VPS13B: variants seen among roughly 807,000 people sequenced by gnomAD.
The protein encoded by VPS13B is intermembrane lipid transfer protein VPS13B.
Under a neutral mutation model 426.4 loss-of-function variants are expected in VPS13B, and 285 were observed. That is an observed-to-expected ratio of 0.67 (90% CI 0.61 to 0.74). The LOEUF (loss-of-function observed/expected upper bound fraction) is 0.74, where lower values mean the gene tolerates loss of function less well. VPS13B is among the 30% of genes least tolerant of loss of function. The pLI is 0.00. For missense variants in VPS13B, 4,537 were observed against 4,782.6 expected (o/e 0.95, Z 1.51); for synonymous variants, 1,676 against 1,676.4 (o/e 1.00, Z 0.01).
intron 33 of VPS13B, among the ~76,000 whole-genome samples, chr8:99,610,699 C>T (rs746856876): frequency 5.3e-5 from 8 of 152,024 alleles, no homozygotes; most frequent in Non-Finnish European, 8.8e-5. Flanking sequence ...AACAAACCTG[C>T]ACGTTCTGCA....
intron 23 of VPS13B, among the ~76,000 whole-genome samples, chr8:99,455,468 G>C (rs990677641): frequency 7.9e-5 from 12 of 152,104 alleles, no homozygotes; most frequent in African/African-American, 2.9e-4. Flanking sequence ...AGAGAGGGAG[G>C]GTTGGGGAGG....
intron 33 of VPS13B, among the ~76,000 whole-genome samples, chr8:99,588,426 A>G (rs1419930418): frequency 6.6e-6 from 1 of 151,712 alleles, no homozygotes. Context: ...CCATTTTCAC[A>G]ATATTGATTC....
chr8:99,042,895 A>G (rs911682861), intron 3 of VPS13B, among the ~76,000 whole-genome samples: 1 of 152,204 alleles, frequency 6.6e-6, no homozygotes, highest in African/African-American at 2.4e-5. Context: ...AACTCTTTTT[A>G]TAGTTTCATC....
intron 2 of VPS13B, among the ~76,000 whole-genome samples, chr8:99,026,331 GTTTTA>G (rs778809899): frequency 1.3e-5 from 2 of 151,992 alleles, no homozygotes; most frequent in African/African-American, 2.4e-5. Flanking sequence ...CTGATTTTTA[GTTTTA>G]TTCTATTGTG....
chr8:99,290,813 A>G (rs2133044622), intron 19 of VPS13B, among the ~76,000 whole-genome samples: 1 of 152,232 alleles, frequency 6.6e-6, no homozygotes, highest in African/African-American at 2.4e-5. Context: ...TAAGGGTTGG[A>G]GAAGAAACAA....
At chr8:99,501,661 A>G (rs1821238217) in intron 25 of VPS13B, 26 bp from the exon 26 acceptor site, 1 of 1,611,152 alleles carries the variant, frequency 6.2e-7, no homozygotes, top group Non-Finnish European at 8.5e-7. Context: ...GTTACAAAGT[A>G]AGATTTTTTT....
chr8:99,327,875 A>C (rs1328062606), intron 19 of VPS13B, among the ~76,000 whole-genome samples: 1 of 152,164 alleles, frequency 6.6e-6, no homozygotes, highest in Non-Finnish European at 1.5e-5. Flanking sequence ...CTTGATTTAT[A>C]ATGTAACAGA....
At chr8:99,789,021 C>T (rs1240343748) in intron 43 of VPS13B, among the ~76,000 whole-genome samples, 1 of 152,144 alleles carries the variant, frequency 6.6e-6, no homozygotes, top group Non-Finnish European at 1.5e-5. Context: ...CACCAAATTA[C>T]AGAAAATATT....
intron 30 of VPS13B, 83 bp downstream of exon 30, chr8:99,521,093 G>C: frequency 1.8e-6 from 2 of 1,102,320 alleles, no homozygotes; most frequent in Admixed American, 3.6e-5. Context: ...AGTGTGGCCT[G>C]TAGAAATATT....
chr8:99,412,110 G>C (rs1161917229), intron 21 of VPS13B, among the ~76,000 whole-genome samples: 1 of 152,166 alleles, frequency 6.6e-6, no homozygotes, highest in East Asian at 1.9e-4. Context: ...GCTTGATGGG[G>C]ATAGCACTGA....
intron 21 of VPS13B, among the ~76,000 whole-genome samples, chr8:99,401,101 A>T (rs72674607): frequency 0.058 from 8,851 of 152,276 alleles, 267 homozygotes; most frequent in South Asian, 0.091. Flanking sequence ...CCTCACTGAG[A>T]TACATCATAT....
chr8:99,240,490 A>G (rs552121811), intron 17 of VPS13B, among the ~76,000 whole-genome samples: 12 of 152,370 alleles, frequency 7.9e-5, no homozygotes, highest in African/African-American at 2.2e-4. Context: ...TAAAGTACAT[A>G]TGAATAAAAG....
chr8:99,808,439 C>G (rs1182318630), intron 43 of VPS13B, among the ~76,000 whole-genome samples: 1 of 150,822 alleles, frequency 6.6e-6, no homozygotes, highest in East Asian at 1.9e-4. Flanking sequence ...TCGCTTGAAC[C>G]CAGGACGTGG....
In VPS13B at chr8:99,354,827, G is replaced by C. The variant is rs74792602; in HGVS notation, c.2825-29381G>C. 2.0e-5 allele frequency among the ~76,000 whole-genome samples: 3 copies of C among 152,156 alleles called. No individual in the cohort carries two copies. The East Asian group carries it at 5.8e-4, about 29-fold the overall frequency. ...TCACCTTAGCCTCCCAAAGTCCTAGGATTATAGGAGCCACATGCAAGGCCC... is the reference window on the plus strand; with the variant it reads ...TCACCTTAGCCTCCCAAAGTCCTAGCATTATAGGAGCCACATGCAAGGCCC... On this transcript the variant is annotated intron_variant, in intron 19 of 61. Transcript: ENST00000357162.
At chr8:99,380,456 C>G (rs763874375) in intron 19 of VPS13B, among the ~76,000 whole-genome samples, 2 of 152,072 alleles carry the variant, frequency 1.3e-5, no homozygotes, top group Non-Finnish European at 2.9e-5. Flanking sequence ...TCTTTTCTGA[C>G]ATCTGCTTGA....
chr8:99,567,193 G>A (rs898763692), intron 31 of VPS13B, among the ~76,000 whole-genome samples: 1 of 151,968 alleles, frequency 6.6e-6, no homozygotes, highest in African/African-American at 2.4e-5. Flanking sequence ...ACCCCTAGTC[G>A]CTCCCTCTTC....
Position 99,644,479 on chromosome 8 carries a change from C to T in VPS13B, c.5908+1981C>T, listed in dbSNP as rs117839954. Reference sequence around the variant, plus strand: ...AAAATAATAGAACACTTGTTTAAAGCGGGGAAAAAACCTTGTATGTAAACT... The same window carrying T: ...AAAATAATAGAACACTTGTTTAAAGTGGGGAAAAAACCTTGTATGTAAACT... On this transcript the variant is annotated intron_variant, in intron 34 of 61. Coordinates refer to ENST00000357162, the MANE Select transcript of VPS13B (RefSeq NM_152564.5). Among the ~76,000 whole-genome samples the T allele has an allele frequency of 3.3e-5, 5 of 152,024 alleles. No homozygotes were observed. The East Asian group carries it at 7.7e-4, about 24-fold the overall frequency.
In VPS13B at chr8:99,876,189, G is replaced by C. The variant is rs144940198; in HGVS notation, c.*523G>C. 6.0e-6 allele frequency: 1 copy of C among 167,646 alleles called. No individual in the cohort carries two copies. The highest frequency in any genetic ancestry group is 1.3e-5 in the Non-Finnish European group (1 of 76,372). 10.4% of individuals were successfully genotyped at this position (167,646 alleles called of 1,614,324 possible). ...CAAGTTGCATCTGTTTTTGGGCTGA[G>C]TCACCACCTTTGCCTCATGCTCCTT... is the stretch of plus-strand genomic sequence containing the variant. On this transcript the variant is annotated 3_prime_UTR_variant, in exon 62 of 62. Transcript: ENST00000357162.
chr8:99,245,488 A>G (rs1035294641), intron 17 of VPS13B, among the ~76,000 whole-genome samples: 1 of 152,218 alleles, frequency 6.6e-6, no homozygotes, highest in African/African-American at 2.4e-5. Context: ...TAATTTTTAG[A>G]GTCCACTGTG....
Sources: allele counts gnomAD v4.1 joint callset (sites outside exome capture counted in the v4.1 genomes callset), GRCh38; gene constraint gnomAD v4.1.1; transcripts MANE v1.5; gene names NCBI Gene and HGNC (gene_info 2026-07-23, HGNC 2026-07-21).